Variants in OPRD1 observed in about 807,000 individuals in gnomAD.
OPRD1 encodes the protein opioid receptor delta 1.
Under a neutral mutation model 17.5 loss-of-function variants are expected in OPRD1, and 19 were observed. That is an observed-to-expected ratio of 1.09 (90% CI 0.76 to 1.60). The LOEUF is 1.60. Ranked by LOEUF, OPRD1 falls within the 40% of genes most tolerant of loss-of-function variation. The pLI is 0.00. For missense variants in OPRD1, 483 were observed against 547.2 expected, an observed-to-expected ratio of 0.88 and a Z score of 1.17; for synonymous variants, 256 against 240.9, an observed-to-expected ratio of 1.06 and a Z score of -0.58.
chr1:28,838,529 A>G (rs2124273379), intron 1 of OPRD1, among the ~76,000 whole-genome samples: 1 of 152,252 alleles, frequency 6.6e-6, no homozygotes, highest in African/African-American at 2.4e-5. Context: ...GTTCCAACAC[A>G]GGGCTCTGTG....
chr1:28,832,555 T>C (rs1381044632), intron 1 of OPRD1, among the ~76,000 whole-genome samples: 1 of 151,916 alleles, frequency 6.6e-6, no homozygotes, highest in Non-Finnish European at 1.5e-5. Flanking sequence ...AGCTGGCGGC[T>C]GCAGTGAGCT....
Position 28,847,169 on chromosome 1 carries a change from A to G in OPRD1, c.228-11785A>G, listed in dbSNP as rs538611690. On this transcript the variant is annotated intron_variant, in intron 1 of 2. Coordinates refer to ENST00000234961, the MANE Select transcript of OPRD1 (RefSeq NM_000911.4). ...CGGGTTCAACCAATTCTCCTACTTC[A>G]GCCTCCTGAGTAGCTGGGATTACAG... 7.3e-5 allele frequency among the ~76,000 whole-genome samples: 11 copies of G among 151,704 alleles called. 1 individual carries two copies. The South Asian group carries it at 2.3e-3, about 32-fold the overall frequency.
intron 1 of OPRD1, among the ~76,000 whole-genome samples, chr1:28,826,793 T>C (rs1272926602): frequency 6.6e-6 from 1 of 152,236 alleles, no homozygotes; most frequent in African/African-American, 2.4e-5. Context: ...GCTGCATCAA[T>C]TGAGTCTTTC....
chr1:28,859,939 C>T (rs891470465), intron 2 of OPRD1, among the ~76,000 whole-genome samples: 3 of 152,244 alleles, frequency 2.0e-5, no homozygotes, highest in African/African-American at 7.2e-5. Context: ...TCACTCCCAT[C>T]ACAATCCAGT....
intron 1 of OPRD1, among the ~76,000 whole-genome samples, chr1:28,855,443 T>C (rs2147748330): frequency 6.6e-6 from 1 of 151,728 alleles, no homozygotes; most frequent in East Asian, 1.9e-4. Context: ...ACAGAGAGAA[T>C]TTTGGGAAGT....
At position 28,813,184 on chromosome 1, in the gene OPRD1, G is replaced by A. The variant is rs1038016176; in HGVS notation, c.227+574G>A. On this transcript the variant is annotated intron_variant, in intron 1 of 2. Transcript: ENST00000234961. ...TGATTCTGTCTGAATGTAACAATGT[G>A]ACTGTTGTTTCTTGTCAAGCTCTTG... Among the ~76,000 whole-genome samples, 79 of 152,320 alleles carry A rather than the reference G, an allele frequency of 5.2e-4. 1 individual carries two copies. Among genetic ancestry groups the A allele is most frequent in the African/African-American group, 1.7e-3 (72 of 41,566 alleles).
intron 1 of OPRD1, among the ~76,000 whole-genome samples, chr1:28,815,856 C>A (rs572412007): frequency 6.6e-6 from 1 of 152,152 alleles, no homozygotes. Flanking sequence ...ATTCAGAGAC[C>A]CTTGGGGAAG....
At chr1:28,849,951 C>T (rs2088985744) in intron 1 of OPRD1, among the ~76,000 whole-genome samples, 1 of 147,082 alleles carries the variant, frequency 6.8e-6, no homozygotes, top group South Asian at 2.1e-4. Context: ...GCGATCTCGG[C>T]TCACTGCAAG....
At chr1:28,845,410 C>T (rs955951953) in intron 1 of OPRD1, among the ~76,000 whole-genome samples, 1 of 149,560 alleles carries the variant, frequency 6.7e-6, no homozygotes, top group Non-Finnish European at 1.5e-5. Context: ...AATTATGAGG[C>T]AGAGGTTGCA....
chr1:28,838,657 G>GT (rs2088872832), intron 1 of OPRD1, among the ~76,000 whole-genome samples: 1 of 152,300 alleles, frequency 6.6e-6, no homozygotes, highest in South Asian at 2.1e-4. Flanking sequence ...AGCAAGAAGA[G>GT]AAGCCACTAT....
chr1:28,814,787 G>A (rs911452186), intron 1 of OPRD1, among the ~76,000 whole-genome samples: 6 of 152,166 alleles, frequency 3.9e-5, no homozygotes, highest in Non-Finnish European at 7.4e-5. Flanking sequence ...CAGCTTAGTG[G>A]GCCCCTAGGG....
chr1:28,851,292 C>G lies in OPRD1; in HGVS notation c.228-7662C>G, dbSNP rs566268940. On this transcript the variant is annotated intron_variant, in intron 1 of 2. Coordinates refer to ENST00000234961, the MANE Select transcript of OPRD1 (RefSeq NM_000911.4). Reference sequence around the variant, plus strand: ...CACTGGAGTCTGGACAATGAGGGAGCCATGCCTTCAAAATTCTGATGGAAA... The same window carrying G: ...CACTGGAGTCTGGACAATGAGGGAGGCATGCCTTCAAAATTCTGATGGAAA... Among the ~76,000 whole-genome samples the G allele has an allele frequency of 2.6e-5, 4 of 152,270 alleles. No individual in the cohort carries two copies. The East Asian group carries it at 7.7e-4, about 29-fold the overall frequency.
intron 1 of OPRD1, among the ~76,000 whole-genome samples, chr1:28,822,648 A>AT (rs11416681): frequency 0.41 from 59,147 of 145,836 alleles, 12,813 homozygotes; most frequent in African/African-American, 0.59. Context: ...TGCCCGGTTA[A>AT]TTTTTTTTTT....
At position 28,863,108 on chromosome 1, in the gene OPRD1, C is replaced by A; in HGVS notation, c.944C>A (p.Pro315His). ...ALGYANSSLN[P>H]VLYAFLDENF... is the part of the protein sequence containing the mutation. ...GGCTACGCCAATAGCAGCCTCAACC[C>A]CGTGCTCTACGCTTTCCTCGACGAG... Residue 315 changes from proline to histidine, a missense_variant, in exon 3 of 3, where the codon CCC (proline) becomes CAC (histidine). Pro to His is a moderately conservative substitution (Grantham distance 77). Transcript: ENST00000234961. 1 of 1,610,482 alleles carries A rather than the reference C, an allele frequency of 6.2e-7. No individual in the cohort carries two copies.
At chr1:28,859,791 C>T (rs1039209145) in intron 2 of OPRD1, among the ~76,000 whole-genome samples, 9 of 152,108 alleles carry the variant, frequency 5.9e-5, no homozygotes, top group Non-Finnish European at 8.8e-5. Flanking sequence ...CCTGGATGAC[C>T]AAAGCAAAGC....
chr1:28,857,323 C>T (rs2089065583), intron 1 of OPRD1, among the ~76,000 whole-genome samples: 1 of 152,168 alleles, frequency 6.6e-6, no homozygotes, highest in East Asian at 1.9e-4. Context: ...GTTCAAGTTT[C>T]TAACTCAGAG....
In OPRD1 at chr1:28,862,986, G is replaced by A; in HGVS notation, c.822G>A (p.Trp274Ter). The A allele has an allele frequency of 6.2e-7, 1 of 1,610,762 alleles. No homozygotes were observed. The highest frequency in any genetic ancestry group is 8.5e-7 in the Non-Finnish European group (1 of 1,178,732). ...LVVVGAFVVC[W>*]APIHIFVIVW... ...TTGTGGGCGCCTTCGTGGTGTGTTG[G>A]GCGCCCATCCACATCTTCGTCATCG... is the stretch of plus-strand genomic sequence containing the variant. The change falls in exon 3 of 3, where the codon TGG (tryptophan) becomes TGA (stop). Residue 274 changes from tryptophan to a stop codon, truncating the protein, a stop_gained. Transcript: ENST00000234961. LOFTEE classifies it high-confidence loss of function.
rs2089136925 is a variant in OPRD1, at chr1:28,862,936, C to A, written c.772C>A (p.Arg258Ser). ...GSKEKDRSLRRITRMVLVVVG... is the reference protein window; with the variant it reads ...GSKEKDRSLRSITRMVLVVVG... Reference sequence around the variant, plus strand: ...CAAGGAGAAGGACCGCAGCCTGCGGCGCATCACGCGCATGGTGCTGGTGGT... The same window carrying A: ...CAAGGAGAAGGACCGCAGCCTGCGGAGCATCACGCGCATGGTGCTGGTGGT... Residue 258 changes from arginine (R) to serine (S), a missense_variant, in exon 3 of 3, where the codon CGC (arginine) becomes AGC (serine). By Grantham distance (110) the Arg-to-Ser change is moderately radical (BLOSUM62 -1). Transcript: ENST00000234961. 1 of 1,612,410 alleles carries A rather than the reference C, an allele frequency of 6.2e-7. No individual in the cohort carries two copies. Among genetic ancestry groups the A allele is most frequent in the African/African-American group, 1.3e-5 (1 of 74,948 alleles).
chr1:28,837,982 C>A (rs1171883954), intron 1 of OPRD1, among the ~76,000 whole-genome samples: 2 of 151,368 alleles, frequency 1.3e-5, no homozygotes, highest in African/African-American at 4.9e-5. Flanking sequence ...ATTCAGTATA[C>A]CCTCCCAAGG....
Sources: allele counts gnomAD v4.1 joint callset (sites outside exome capture counted in the v4.1 genomes callset), GRCh38; gene constraint gnomAD v4.1.1; transcripts MANE v1.5; gene names NCBI Gene and HGNC (gene_info 2026-07-23, HGNC 2026-07-21).